Variants in ZRANB3 observed in about 807,000 individuals in gnomAD.
ZRANB3 encodes the protein zinc finger RANBP2-type containing 3.
ZRANB3 carries 125 observed loss-of-function variants against 133.8 expected under a neutral mutation model. The ratio of observed to expected loss-of-function variants is 0.93; its 90% CI spans 0.81 to 1.08. The LOEUF (loss-of-function observed/expected upper bound fraction) is 1.08. Among genes scored for constraint, ZRANB3 ranks in the 50% least tolerant of loss-of-function variants. The pLI, the probability that ZRANB3 is intolerant of heterozygous loss-of-function variation, is 0.00. For missense variants in ZRANB3, 1,229 were observed against 1,275.5 expected, an observed-to-expected ratio of 0.96 and a Z score of 0.56; for synonymous variants, 387 against 432.7, an observed-to-expected ratio of 0.89 and a Z score of 1.31.
chr2:135,482,116 T>C (rs1691846949), intron 2 of ZRANB3, among the ~76,000 whole-genome samples: 4 of 137,874 alleles, frequency 2.9e-5, no homozygotes, highest in South Asian at 2.4e-4. Context: ...TTTGGTTCCA[T>C]ATGAACTTTA....
intron 2 of ZRANB3, among the ~76,000 whole-genome samples, chr2:135,474,736 G>C (rs1225841957): frequency 6.6e-6 from 1 of 152,036 alleles, no homozygotes; most frequent in Non-Finnish European, 1.5e-5. Context: ...AATACTACAA[G>C]GACTAATGCA....
chr2:135,317,120 A>ACTTGTTTTATAT (rs1683302690), intron 6 of ZRANB3, among the ~76,000 whole-genome samples: 2 of 151,902 alleles, frequency 1.3e-5, no homozygotes, highest in South Asian at 4.2e-4. Context: ...TAAAAAATCT[A>ACTTGTTTTATAT]AGTGCTGTCA....
intron 3 of ZRANB3, among the ~76,000 whole-genome samples, chr2:135,361,917 G>A (rs116063889): frequency 0.032 from 4,829 of 152,126 alleles, 247 homozygotes; most frequent in African/African-American, 0.11. Context: ...GTGTGTGTAC[G>A]GCCGGGCACA....
chr2:135,323,341 C>T (rs1254709210), intron 6 of ZRANB3, among the ~76,000 whole-genome samples: 4 of 151,968 alleles, frequency 2.6e-5, no homozygotes, highest in African/African-American at 9.7e-5. Context: ...ATATTATAGA[C>T]TAGACAAGAT....
At chr2:135,242,504 G>T (rs904823192) in intron 12 of ZRANB3, among the ~76,000 whole-genome samples, 2 of 151,426 alleles carry the variant, frequency 1.3e-5, no homozygotes, top group East Asian at 1.9e-4. Context: ...ACCCAGGGGG[G>T]GCTCAAACTC....
chr2:135,481,391 T>A (rs1285496858), intron 2 of ZRANB3, among the ~76,000 whole-genome samples: 1 of 152,138 alleles, frequency 6.6e-6, no homozygotes, highest in Admixed American at 6.6e-5. Context: ...TTTCATGTGT[T>A]TTTTGGCTAC....
At chr2:135,440,889 A>C (rs1689750863) in intron 2 of ZRANB3, among the ~76,000 whole-genome samples, 1 of 152,202 alleles carries the variant, frequency 6.6e-6, no homozygotes, top group Non-Finnish European at 1.5e-5. Flanking sequence ...ACAAATAATT[A>C]GTGAATTTGA....
At chr2:135,218,308 A>G (rs1694395147) in intron 16 of ZRANB3, among the ~76,000 whole-genome samples, 1 of 152,154 alleles carries the variant, frequency 6.6e-6, no homozygotes, top group African/African-American at 2.4e-5. Flanking sequence ...TGCTTCGTAA[A>G]TGATGCCTAC....
At chr2:135,377,968 C>T (rs1686502352) in intron 3 of ZRANB3, among the ~76,000 whole-genome samples, 1 of 152,166 alleles carries the variant, frequency 6.6e-6, no homozygotes, top group South Asian at 2.1e-4. Flanking sequence ...CTGGCCTAGC[C>T]TCCCAGCCTG....
intron 3 of ZRANB3, among the ~76,000 whole-genome samples, chr2:135,354,217 T>C (rs935372737): frequency 3.3e-5 from 5 of 152,208 alleles, no homozygotes; most frequent in African/African-American, 1.2e-4. Flanking sequence ...TATGTAACCA[T>C]TTATAGTCTC....
chr2:135,232,151 G>A (rs57699077), intron 12 of ZRANB3, among the ~76,000 whole-genome samples: 23,288 of 152,192 alleles, frequency 0.15, 2,628 homozygotes, highest in East Asian at 0.46. Flanking sequence ...TATATCCCGC[G>A]CCTGGCTCAG....
At chr2:135,275,506 A>T (rs1264108009) in intron 9 of ZRANB3, 130 bp downstream of exon 9, 1 of 625,232 alleles carries the variant, frequency 1.6e-6, no homozygotes, top group Non-Finnish European at 2.4e-6. Flanking sequence ...TTTCAAGAAA[A>T]ATGTGTGATA....
intron 6 of ZRANB3, among the ~76,000 whole-genome samples, chr2:135,330,799 T>C (rs1573923209): frequency 6.6e-6 from 1 of 152,264 alleles, no homozygotes; most frequent in South Asian, 2.1e-4. Flanking sequence ...TGTCCAGGAA[T>C]TTTTCCATTT....
Position 135,294,202 on chromosome 2 carries a change from T to G in ZRANB3, c.967-18447A>C, listed in dbSNP as rs116558722. ...CTCTTCCTTGTACCTCTCATAGAAT[T>G]TGGATATGAATCCATCTGGTCCTGG... On this transcript the variant is annotated intron_variant, in intron 8 of 20. Coordinates refer to ENST00000264159, the MANE Select transcript of ZRANB3 (RefSeq NM_032143.4). Among the ~76,000 whole-genome samples the G allele has an allele frequency of 5.6e-3, 848 of 152,326 alleles. 4 individuals are homozygous for G. The highest frequency in any genetic ancestry group is 0.011 in the South Asian group (52 of 4,830).
rs1354374402 is a variant in ZRANB3, at chr2:135,197,176, G to A, written c.*3166C>T. The A allele has an allele frequency of 6.6e-6, 1 of 152,178 alleles. No individual in the cohort carries two copies. Among genetic ancestry groups the A allele is most frequent in the East Asian group, 1.9e-4 (1 of 5,200 alleles). The allele number at this position is 152,178 out of a possible 1,614,324, so 9.4% of individuals were successfully genotyped here. ...TTCCAGTTCAAAAGAACAAATGGTG[G>A]AATGAGAGACAGGCTAATAATATGC... On this transcript the variant is annotated 3_prime_UTR_variant, in exon 21 of 21. Transcript: ENST00000264159.
intron 2 of ZRANB3, among the ~76,000 whole-genome samples, chr2:135,455,891 G>A (rs1347876973): frequency 1.3e-5 from 2 of 152,076 alleles, no homozygotes; most frequent in African/African-American, 4.8e-5. Context: ...ACCGCGCCCG[G>A]CCCAACTATT....
chr2:135,365,373 G>T (rs1419993088), intron 3 of ZRANB3, among the ~76,000 whole-genome samples: 1 of 152,186 alleles, frequency 6.6e-6, no homozygotes, highest in African/African-American at 2.4e-5. Context: ...TAAAGGCACT[G>T]AAAGGGTATC....
At chr2:135,517,207 TG>T (rs1693736393) in intron 1 of ZRANB3, among the ~76,000 whole-genome samples, 1 of 152,084 alleles carries the variant, frequency 6.6e-6, no homozygotes, top group Non-Finnish European at 1.5e-5. Flanking sequence ...TTCCCTGCAT[TG>T]GGGTAGAACA....
At position 135,485,175 on chromosome 2, in the gene ZRANB3, AAACAAAACAAAACAT is replaced by A. The variant is rs1405213990; in HGVS notation, c.161+19139_161+19153del. Among the ~76,000 whole-genome samples the A allele has an allele frequency of 4.3e-3, 541 of 127,080 alleles. 2 individuals are homozygous for A. Among genetic ancestry groups the A allele is most frequent in the African/African-American group, 8.2e-3 (258 of 31,318 alleles). The allele number at this position is 127,080 out of a possible 152,430, so 83.4% of individuals were successfully genotyped here. On this transcript the variant is annotated intron_variant, in intron 2 of 20. Transcript: ENST00000264159. ...AAACAAAACAAAACAAAACAAAACA[AAACAAAACAAAACAT>A]AACATAACATAACATAACATAACAG...
Sources: gnomAD v4.1 joint callset for allele counts (sites outside exome capture counted in the v4.1 genomes callset) on GRCh38, gnomAD v4.1.1 for gene constraint, MANE v1.5 for transcripts, NCBI Gene and HGNC (gene_info 2026-07-23, HGNC 2026-07-21) for gene names.